The following ETV6 variants were observed in gnomAD, a reference collection of about 807,000 sequenced individuals.
The protein encoded by ETV6 is transcription factor ETV6.
A neutral mutation model predicts 51.1 loss-of-function variants in ETV6; 16 were observed. The ratio of observed to expected loss-of-function variants is 0.31; its 90% confidence interval spans 0.21 to 0.48. ETV6 has a LOEUF of 0.48. ETV6 is among the 20% of genes least tolerant of loss of function. The pLI is 0.99. For missense variants in ETV6, 458 were observed against 594.8 expected, an observed-to-expected ratio of 0.77 and a Z score of 2.39; for synonymous variants, 240 against 224.1, an observed-to-expected ratio of 1.07 and a Z score of -0.64.
chr12:11,693,588 C>T (rs955314964), intron 1 of ETV6, among the ~76,000 whole-genome samples: 2 of 152,190 alleles, frequency 1.3e-5, no homozygotes, highest in African/African-American at 4.8e-5. Context: ...AGTTCGGACT[C>T]AGGAACGGCC....
intron 1 of ETV6, among the ~76,000 whole-genome samples, chr12:11,694,171 G>A (rs530811113): frequency 6.6e-6 from 1 of 152,128 alleles, no homozygotes; most frequent in African/African-American, 2.4e-5. Flanking sequence ...TTGTATTCTT[G>A]TAGCTACCTA....
intron 2 of ETV6, among the ~76,000 whole-genome samples, chr12:11,774,292 T>G (rs1415775535): frequency 6.6e-6 from 1 of 152,080 alleles, no homozygotes; most frequent in Non-Finnish European, 1.5e-5. Context: ...GATTTCATTT[T>G]GGCCTGACAA....
chr12:11,893,839 TATACACAC>T lies in ETV6; in HGVS notation c.*2795_*2802del, dbSNP rs1272805004. The T allele has an allele frequency of 5.8e-5, 3 of 51,316 alleles. No homozygotes were observed. Among genetic ancestry groups the T allele is most frequent in the South Asian group, 5.6e-4 (1 of 1,782 alleles). 3.2% of individuals were successfully genotyped at this position (51,316 alleles called of 1,614,324 possible). ...ATATATATATATATATATATATATA[TATACACAC>T]ACACACACATACACAAATATTCCAG... On this transcript the variant is annotated 3_prime_UTR_variant, in exon 8 of 8. Coordinates refer to ENST00000396373, the MANE Select transcript of ETV6 (RefSeq NM_001987.5).
intron 2 of ETV6, among the ~76,000 whole-genome samples, chr12:11,828,849 A>G (rs1215256235): frequency 6.6e-6 from 1 of 152,038 alleles, no homozygotes; most frequent in East Asian, 1.9e-4. Flanking sequence ...GTCACCATAC[A>G]TTTTCTGCAT....
chr12:11,697,497 G>A (rs949753888), intron 1 of ETV6, among the ~76,000 whole-genome samples: 3 of 152,166 alleles, frequency 2.0e-5, no homozygotes, highest in Non-Finnish European at 4.4e-5. Context: ...TGTGGGCCTT[G>A]CAATTTCTCT....
At chr12:11,861,521 C>T (rs2136515297) in intron 4 of ETV6, among the ~76,000 whole-genome samples, 1 of 152,350 alleles carries the variant, frequency 6.6e-6, no homozygotes, top group African/African-American at 2.4e-5. Context: ...CTCACCCTTC[C>T]TGCCTGCACC....
chr12:11,816,582 G>C (rs911336838), intron 2 of ETV6, among the ~76,000 whole-genome samples: 4 of 152,158 alleles, frequency 2.6e-5, no homozygotes, highest in African/African-American at 7.2e-5. Context: ...CCTCGTTCTT[G>C]GTTCTCAGCT....
intron 4 of ETV6, among the ~76,000 whole-genome samples, chr12:11,860,692 TC>T (rs71057774): frequency 6.6e-6 from 1 of 151,800 alleles, no homozygotes; most frequent in Non-Finnish European, 1.5e-5. Context: ...TTTGGTTGTT[TC>T]CCCCCCTCTG....
At chr12:11,839,411 C>T (rs1471826954) in intron 3 of ETV6, 107 bp downstream of exon 3, 1 of 1,127,742 alleles carries the variant, frequency 8.9e-7, no homozygotes, top group African/African-American at 1.6e-5. Flanking sequence ...AGTGAGTCAT[C>T]ACAAGGAAGG....
intron 1 of ETV6, among the ~76,000 whole-genome samples, chr12:11,732,204 G>A (rs1320567021): frequency 2.0e-5 from 3 of 152,172 alleles, no homozygotes; most frequent in African/African-American, 7.2e-5. Flanking sequence ...TTCGAGGTAC[G>A]TGGAAATGTC....
At chr12:11,664,604 C>T (rs952722491) in intron 1 of ETV6, among the ~76,000 whole-genome samples, 1 of 152,174 alleles carries the variant, frequency 6.6e-6, no homozygotes, top group Non-Finnish European at 1.5e-5. Context: ...CCATCCAGGA[C>T]TAAGGTTAGC....
intron 1 of ETV6, among the ~76,000 whole-genome samples, chr12:11,712,306 A>G (rs374685775): frequency 6.6e-6 from 1 of 152,138 alleles, no homozygotes; most frequent in South Asian, 2.1e-4. Context: ...GTGTGGTCAG[A>G]TTTTTAGTAT....
At chr12:11,764,833 A>G (rs79376607) in intron 2 of ETV6, among the ~76,000 whole-genome samples, 113 of 152,318 alleles carry the variant, frequency 7.4e-4, no homozygotes, top group African/African-American at 2.7e-3. Context: ...CATGTATTGT[A>G]TCATTTAACC....
At chr12:11,780,010 C>T (rs930834513) in intron 2 of ETV6, among the ~76,000 whole-genome samples, 2 of 152,202 alleles carry the variant, frequency 1.3e-5, no homozygotes, top group Admixed American at 6.5e-5. Context: ...TTTTCACACA[C>T]GCTCTACCTT....
At chr12:11,860,957 A>G (rs924850799) in intron 4 of ETV6, among the ~76,000 whole-genome samples, 7 of 152,184 alleles carry the variant, frequency 4.6e-5, no homozygotes, top group Admixed American at 3.3e-4. Flanking sequence ...CATCTGCACT[A>G]TGATTTCTGT....
chr12:11,842,427 C>T (rs1221760579), intron 3 of ETV6, among the ~76,000 whole-genome samples: 6 of 110,812 alleles, frequency 5.4e-5, no homozygotes, highest in Non-Finnish European at 1.1e-4. Context: ...CACACACACA[C>T]ACACACACAC....
At chr12:11,824,506 T>C (rs1365445029) in intron 2 of ETV6, among the ~76,000 whole-genome samples, 1 of 152,152 alleles carries the variant, frequency 6.6e-6, no homozygotes, top group African/African-American at 2.4e-5. Context: ...TGGCCAGGCA[T>C]GGTGGCTCAC....
chr12:11,744,921 A>T, intron 1 of ETV6, among the ~76,000 whole-genome samples: 1 of 80,716 alleles, frequency 1.2e-5, no homozygotes, highest in East Asian at 5.6e-4. Flanking sequence ...AAAAAAAAAA[A>T]GAGAGAATTT....
chr12:11,851,989 T>G lies in ETV6; in HGVS notation c.329-1438T>G, dbSNP rs78498306. 7.1e-3 allele frequency among the ~76,000 whole-genome samples: 1,080 copies of G among 152,320 alleles called. 18 individuals carry two copies. Among genetic ancestry groups the G allele is most frequent in the African/African-American group, 0.025 (1,027 of 41,562 alleles). On this transcript the variant is annotated intron_variant, in intron 3 of 7. Coordinates refer to ENST00000396373, the MANE Select transcript of ETV6 (RefSeq NM_001987.5). ...TGAATTTAAGTTGGTAATTAAAATG[T>G]TTGTTTAAAAAAAGTCGCTAAAATT...
Sources: gnomAD v4.1 joint callset for allele counts (sites outside exome capture counted in the v4.1 genomes callset) on GRCh38, gnomAD v4.1.1 for gene constraint, MANE v1.5 for transcripts, NCBI Gene and HGNC (gene_info 2026-07-23, HGNC 2026-07-21) for gene names.